Variants in FRMD6 observed in about 807,000 individuals in gnomAD.
FRMD6 encodes the protein FERM domain-containing protein 6.
Under a neutral mutation model 73.2 loss-of-function variants are expected in FRMD6, and 37 were observed. That is an observed-to-expected ratio of 0.51 (90% CI 0.39 to 0.66). The LOEUF (loss-of-function observed/expected upper bound fraction) is 0.66. FRMD6 is among the 30% of genes least tolerant of loss of function. The pLI, the probability that FRMD6 is intolerant of heterozygous loss-of-function variation, is 0.00. For synonymous variants in FRMD6, 273 were observed against 282.2 expected (o/e 0.97, Z 0.33); for missense variants, 714 against 780.5 (o/e 0.91, Z 1.02).
intron 1 of FRMD6, among the ~76,000 whole-genome samples, chr14:51,499,467 A>G (rs1566778528): frequency 1.3e-5 from 2 of 152,248 alleles, no homozygotes; most frequent in African/African-American, 4.8e-5. Context: ...AAAAGCTTCA[A>G]CTACATTAAC....
At chr14:51,558,569 A>T (rs1419342688) in intron 1 of FRMD6, among the ~76,000 whole-genome samples, 3 of 152,166 alleles carry the variant, frequency 2.0e-5, no homozygotes, top group African/African-American at 7.2e-5. Flanking sequence ...TAAAAATTTT[A>T]GCCATTTTAA....
chr14:51,430,831 C>T, the FRMD6 span, among the ~76,000 whole-genome samples: 2 of 152,140 alleles, frequency 1.3e-5, no homozygotes, highest in Admixed American at 1.3e-4. Context: ...ATGAGCCGAG[C>T]CACAGGGCTT....
intron 5 of FRMD6, 154 bp from the exon 6 acceptor site, chr14:51,704,595 T>C: frequency 5.0e-6 from 3 of 605,940 alleles, no homozygotes; most frequent in Non-Finnish European, 8.5e-6. Context: ...CTATCAGATA[T>C]TAGCTACAAC....
At chr14:51,505,025 G>A (rs17124031) in intron 1 of FRMD6, among the ~76,000 whole-genome samples, 8,979 of 152,128 alleles carry the variant, frequency 0.059, 489 homozygotes, top group African/African-American at 0.14. Context: ...AGCTATCTTA[G>A]GCCTCACTGT....
At chr14:51,501,680 C>T (rs983518747) in intron 1 of FRMD6, among the ~76,000 whole-genome samples, 7 of 152,182 alleles carry the variant, frequency 4.6e-5, no homozygotes, top group Admixed American at 1.3e-4. Flanking sequence ...AATGAACCAA[C>T]GCATGCATGT....
chr14:51,588,251 T>A (rs546169479), intron 2 of FRMD6, among the ~76,000 whole-genome samples: 1 of 152,264 alleles, frequency 6.6e-6, no homozygotes, highest in East Asian at 1.9e-4. Context: ...CTGTTTTCTG[T>A]TAATCTTTGT....
At chr14:51,715,022 T>A in intron 9 of FRMD6, 1 of 193,154 alleles carries the variant, frequency 5.2e-6, no homozygotes, top group Non-Finnish European at 1.0e-5. Flanking sequence ...TGATGGACCC[T>A]TCTCTTCTGC....
intron 1 of FRMD6, among the ~76,000 whole-genome samples, chr14:51,542,715 A>G (rs959415842): frequency 2.6e-4 from 40 of 152,066 alleles, no homozygotes; most frequent in African/African-American, 9.2e-4. Context: ...CAGTGGTTGT[A>G]CCACTTTACG....
chr14:51,656,539 G>A (rs563027642), intron 1 of FRMD6, among the ~76,000 whole-genome samples: 40 of 151,626 alleles, frequency 2.6e-4, no homozygotes, highest in African/African-American at 9.2e-4. Flanking sequence ...TCAGCCTCCC[G>A]AGTAGCTGGG....
At chr14:51,721,308 A>G (rs1897549158) in intron 11 of FRMD6, among the ~76,000 whole-genome samples, 1 of 152,204 alleles carries the variant, frequency 6.6e-6, no homozygotes, top group African/African-American at 2.4e-5. Context: ...TAATGCAGCA[A>G]TCCGATAAGA....
chr14:51,719,978 C>A, intron 10 of FRMD6, 77 bp from the exon 11 acceptor site: 1 of 1,066,466 alleles, frequency 9.4e-7, no homozygotes, highest in Non-Finnish European at 1.4e-6. Flanking sequence ...TATCCTTGTT[C>A]TTGGCCTGAT....
At chr14:51,411,157 A>G in the FRMD6 span, among the ~76,000 whole-genome samples, 1 of 152,204 alleles carries the variant, frequency 6.6e-6, no homozygotes, top group Admixed American at 6.5e-5. Flanking sequence ...GCCACTCCAC[A>G]GGCTGGCTAA....
At chr14:51,619,020 A>G (rs1024411212) in intron 2 of FRMD6, among the ~76,000 whole-genome samples, 1 of 151,816 alleles carries the variant, frequency 6.6e-6, no homozygotes, top group African/African-American at 2.4e-5. Flanking sequence ...GACAAAAAAT[A>G]TAATCAATCA....
intron 2 of FRMD6, among the ~76,000 whole-genome samples, chr14:51,574,607 C>A (rs1426104091): frequency 6.6e-6 from 1 of 151,620 alleles, no homozygotes; most frequent in East Asian, 1.9e-4. Context: ...TTTATGGGAG[C>A]TAAAAATTAA....
At chr14:51,501,313 A>T (rs185847068) in intron 1 of FRMD6, among the ~76,000 whole-genome samples, 1 of 152,192 alleles carries the variant, frequency 6.6e-6, no homozygotes, top group Non-Finnish European at 1.5e-5. Context: ...TCATCCCGTC[A>T]CCTAGGTATT....
intron 11 of FRMD6, among the ~76,000 whole-genome samples, 188 bp from the exon 12 acceptor site, chr14:51,721,761 G>GGGAGGGAGGGAAGGAGGGAAGGAA (rs1897624471): frequency 7.3e-6 from 1 of 137,236 alleles, no homozygotes; most frequent in African/African-American, 2.9e-5. Context: ...GAAGGAAGGA[G>GGGAGGGAGGGAAGGAGGGAAGGAA]GGAAGGAGGG....
the FRMD6 span, among the ~76,000 whole-genome samples, chr14:51,473,360 G>C: frequency 8.8e-3 from 1,343 of 152,232 alleles, 22 homozygotes; most frequent in African/African-American, 0.03. Flanking sequence ...CTAAGTAACC[G>C]CGCATGGCCA....
the FRMD6 span, among the ~76,000 whole-genome samples, chr14:51,438,768 G>A: frequency 1.3e-5 from 2 of 152,158 alleles, no homozygotes; most frequent in African/African-American, 4.8e-5. Flanking sequence ...TTTAAAATTT[G>A]CCTTTTACCG....
chr14:51,501,569 T>TGGTGTATATGTAC (rs1354131272), intron 1 of FRMD6, among the ~76,000 whole-genome samples: 1 of 152,202 alleles, frequency 6.6e-6, no homozygotes, highest in Non-Finnish European at 1.5e-5. Context: ...TATGGCTCCA[T>TGGTGTATATGTAC]AGTATTCCAT....
Sources: gnomAD v4.1 joint callset for allele counts (sites outside exome capture counted in the v4.1 genomes callset) on GRCh38, gnomAD v4.1.1 for gene constraint, MANE v1.5 for transcripts, NCBI Gene and HGNC (gene_info 2026-07-23, HGNC 2026-07-21) for gene names.